Variants in SLC25A26 observed in about 807,000 individuals in gnomAD.
SLC25A26 encodes mitochondrial S-adenosylmethionine carrier protein.
A neutral mutation model predicts 37.8 loss-of-function variants in SLC25A26; 36 were observed. That is an observed-to-expected ratio of 0.95 (90% CI 0.73 to 1.26). The LOEUF is 1.26. Among genes scored for constraint, SLC25A26 ranks in the 50% most tolerant of loss-of-function variants. The probability of loss-of-function intolerance (pLI) is 0.00; values close to 1 mark genes in which losing one functional copy is unlikely to be tolerated. For missense variants in SLC25A26, 390 were observed against 331.1 expected (o/e 1.18, Z -1.38); for synonymous variants, 129 against 122.5 (o/e 1.05, Z -0.35).
At chr3:66,167,288 A>G (rs564485399) in intron 1 of SLC25A26, among the ~76,000 whole-genome samples, 4 of 152,148 alleles carry the variant, frequency 2.6e-5, no homozygotes, top group East Asian at 1.9e-4. Flanking sequence ...TGGACTTGCA[A>G]TCTGCAAGGA....
At chr3:66,236,018 C>T (rs1237626781) in intron 1 of SLC25A26, among the ~76,000 whole-genome samples, 1 of 152,080 alleles carries the variant, frequency 6.6e-6, no homozygotes, top group Non-Finnish European at 1.5e-5. Flanking sequence ...CTCAAGTTAT[C>T]CTTGTTCCTC....
intron 1 of SLC25A26, among the ~76,000 whole-genome samples, chr3:66,180,175 TG>T (rs2070672476): frequency 6.6e-6 from 1 of 152,184 alleles, no homozygotes; most frequent in Non-Finnish European, 1.5e-5. Context: ...AGGAACAGAC[TG>T]GGAGGCGTAG....
At chr3:66,240,576 C>T (rs2072528315) in intron 2 of SLC25A26, among the ~76,000 whole-genome samples, 2 of 152,020 alleles carry the variant, frequency 1.3e-5, no homozygotes, top group Admixed American at 1.3e-4. Context: ...TGTGCCTGGC[C>T]CATCTTTACA....
chr3:66,198,356 C>T (rs1274220682), intron 1 of SLC25A26, among the ~76,000 whole-genome samples: 2 of 152,072 alleles, frequency 1.3e-5, no homozygotes, highest in African/African-American at 4.8e-5. Context: ...CACCAAGACA[C>T]TGCAGTTCAT....
At chr3:66,203,909 G>T (rs2071140117) in intron 1 of SLC25A26, among the ~76,000 whole-genome samples, 1 of 152,160 alleles carries the variant, frequency 6.6e-6, no homozygotes, top group African/African-American at 2.4e-5. Flanking sequence ...CAATGGCAGA[G>T]AATGAAATTA....
intron 1 of SLC25A26, among the ~76,000 whole-genome samples, chr3:66,175,282 TGG>T (rs2070569649): frequency 1.3e-5 from 2 of 152,094 alleles, no homozygotes; most frequent in Middle Eastern, 3.4e-3. Context: ...TGAACTGTTG[TGG>T]CATGATCTTG....
rs1244897063 is a variant in SLC25A26, at chr3:66,377,754, G to A, written c.772G>A (p.Ala258Thr). 5.0e-6 allele frequency: 8 copies of A among 1,613,744 alleles called. No homozygotes were observed. Among genetic ancestry groups the A allele is most frequent in the Admixed American group, 1.7e-5 (1 of 59,998 alleles). ...ISLGGFIFLGAYDRTHSLLLE... is the reference protein window; with the variant it reads ...ISLGGFIFLGTYDRTHSLLLE... ...TCTGGGAGGTTTCATCTTTCTGGGG[G>A]CTTATGACCGAACGCACAGCTTGCT... Residue 258 changes from alanine (A) to threonine (T), a missense_variant, in exon 10 of 10, where the codon GCT becomes ACT. Transcript: ENST00000354883.
At chr3:66,362,088 A>G (rs1273953106) in intron 6 of SLC25A26, among the ~76,000 whole-genome samples, 2 of 152,252 alleles carry the variant, frequency 1.3e-5, no homozygotes, top group East Asian at 3.8e-4. Context: ...CCAGAACTCA[A>G]GGGAATGTAA....
At position 66,377,769 on chromosome 3, in the gene SLC25A26, C is replaced by CACAGCTTGCTGTTGGAAGTTGGCAGAAA. The variant is rs1559756107; in HGVS notation, c.788_815dup (p.Ser273GlnfsTer35). On this transcript the variant is annotated frameshift_variant, in exon 10 of 10. Transcript: ENST00000354883. LOFTEE classifies it low-confidence loss of function (END_TRUNC). The stretch of plus-strand genomic sequence containing the variant: ...CTTTCTGGGGGCTTATGACCGAACG[C>CACAGCTTGCTGTTGGAAGTTGGCAGAAA]ACAGCTTGCTGTTGGAAGTTGGCAG... 4.3e-6 allele frequency: 7 copies of CACAGCTTGCTGTTGGAAGTTGGCAGAAA among 1,613,914 alleles called. No homozygotes were observed. The South Asian group carries it at 7.7e-5, about 18-fold the overall frequency.
At chr3:66,230,369 G>C (rs1353687832) in intron 1 of SLC25A26, among the ~76,000 whole-genome samples, 1 of 152,118 alleles carries the variant, frequency 6.6e-6, no homozygotes, top group Admixed American at 6.5e-5. Flanking sequence ...ATTGGGAAAG[G>C]CTTTATGAGG....
intron 5 of SLC25A26, among the ~76,000 whole-genome samples, chr3:66,307,453 T>G (rs1418441431): frequency 6.6e-6 from 1 of 152,238 alleles, no homozygotes; most frequent in Non-Finnish European, 1.5e-5. Context: ...TTCTGTAGGT[T>G]GCCTGTTCAC....
At chr3:66,202,326 AT>A (rs1288203988) in intron 1 of SLC25A26, among the ~76,000 whole-genome samples, 5 of 152,022 alleles carry the variant, frequency 3.3e-5, no homozygotes, top group Admixed American at 3.3e-4. Context: ...AGACATGCAT[AT>A]AGGGAGGGGT....
intron 6 of SLC25A26, among the ~76,000 whole-genome samples, chr3:66,347,740 A>G (rs906803599): frequency 5.3e-5 from 8 of 152,246 alleles, no homozygotes; most frequent in Non-Finnish European, 1.0e-4. Flanking sequence ...CCCATCAATG[A>G]TAGACTGCAT....
At chr3:66,146,197 G>A (rs1417014457) in intron 1 of SLC25A26, among the ~76,000 whole-genome samples, 6 of 151,954 alleles carry the variant, frequency 3.9e-5, no homozygotes, top group African/African-American at 1.5e-4. Flanking sequence ...AAAATTAGCC[G>A]GGTGTGGTGG....
chr3:66,248,660 T>C (rs978294471), intron 3 of SLC25A26, among the ~76,000 whole-genome samples: 2 of 152,256 alleles, frequency 1.3e-5, no homozygotes, highest in African/African-American at 4.8e-5. Flanking sequence ...CATGTACATG[T>C]CCTCATACAC....
chr3:66,285,087 C>T (rs192239405), intron 5 of SLC25A26, among the ~76,000 whole-genome samples: 34 of 152,208 alleles, frequency 2.2e-4, no homozygotes, highest in African/African-American at 8.2e-4. Context: ...TGGTGCTGGT[C>T]ATTTCTTTAC....
rs1028131513 is a variant in SLC25A26, at chr3:66,195,136, C to A, written c.-353-25606C>A. On this transcript the variant is annotated intron_variant, in intron 1 of 10. Coordinates refer to the SLC25A26 transcript ENST00000676754. Reference sequence around the variant, plus strand: ...AAGTCACCTTCCCACTGCTCCCCAACGCATGCTCGCAATTATGCTGTACTG... The same window carrying A: ...AAGTCACCTTCCCACTGCTCCCCAAAGCATGCTCGCAATTATGCTGTACTG... Among the ~76,000 whole-genome samples, 344 of 152,324 alleles carry A rather than the reference C, an allele frequency of 2.3e-3. 6 individuals are homozygous for A. Among genetic ancestry groups the A allele is most frequent in the African/African-American group, 7.9e-3 (327 of 41,584 alleles).
chr3:66,345,252 C>T (rs1410801422), intron 5 of SLC25A26, among the ~76,000 whole-genome samples: 1 of 152,180 alleles, frequency 6.6e-6, no homozygotes, highest in Admixed American at 6.5e-5. Flanking sequence ...CTCCACTCCC[C>T]TAGCATTGAC....
chr3:66,191,264 A>G (rs1157699472), intron 1 of SLC25A26, among the ~76,000 whole-genome samples: 2 of 152,196 alleles, frequency 1.3e-5, no homozygotes, highest in African/African-American at 4.8e-5. Context: ...GTATGGTAAC[A>G]CACACCTGTA....
Sources: allele counts gnomAD v4.1 joint callset (sites outside exome capture counted in the v4.1 genomes callset), GRCh38; gene constraint gnomAD v4.1.1; transcripts MANE v1.5; gene names NCBI Gene and HGNC (gene_info 2026-07-23, HGNC 2026-07-21).